The following GIPC3 variants were observed in gnomAD, a reference collection of about 807,000 sequenced individuals.
The protein encoded by GIPC3 is PDZ domain-containing protein GIPC3.
GIPC3 carries 16 observed loss-of-function variants against 27.3 expected under a neutral mutation model. That is an observed-to-expected ratio of 0.59 (90% CI 0.40 to 0.89). The LOEUF (loss-of-function observed/expected upper bound fraction) is 0.89, where lower values mean the gene tolerates loss of function less well. Among genes scored for constraint, GIPC3 ranks in the 40% least tolerant of loss-of-function variants. The probability of loss-of-function intolerance (pLI) is 0.00; values close to 1 mark genes in which losing one functional copy is unlikely to be tolerated. For synonymous variants in GIPC3, 194 were observed against 184.6 expected (o/e 1.05, Z -0.41); for missense variants, 440 against 442.1 (o/e 1.00, Z 0.04).
chr19:3,590,061 C>G lies in GIPC3; in HGVS notation c.810C>G (p.Ser270=), dbSNP rs751286562. ...CAGCGTCCACCATGGTGGAGACGTC[C>G]AAGAAGACAGCGAGCGCCCAGGAGT... ...PELASTMVET[S]KKTASAQEFA... The change falls in exon 6 of 6, where the codon TCC becomes TCG. Residue 270 remains serine (S), a synonymous_variant. Coordinates refer to ENST00000644452, the MANE Select transcript of GIPC3 (RefSeq NM_133261.3). 1.2e-5 allele frequency: 19 copies of G among 1,612,124 alleles called. No individual in the cohort carries two copies. Among genetic ancestry groups the G allele is most frequent in the Admixed American group, 1.7e-5 (1 of 59,586 alleles).
intron 3 of GIPC3, among the ~76,000 whole-genome samples, 178 bp from the exon 4 acceptor site, chr19:3,589,265 T>G (rs1274069115): frequency 6.6e-6 from 1 of 152,188 alleles, no homozygotes; most frequent in Admixed American, 6.5e-5. Flanking sequence ...TGATTTAGTT[T>G]GCTGGGGATG....
In GIPC3 at chr19:3,589,573, G is replaced by T. The variant is rs1400074938; in HGVS notation, c.705+18G>T. On this transcript the variant is annotated intron_variant, in intron 4 of 5. Coordinates refer to ENST00000644452, the MANE Select transcript of GIPC3 (RefSeq NM_133261.3). ...AGGAAGCGGTGAGTGAAGGGGAGGG[G>T]CTCTCCCCAGGCTTCTGCACCTTCA... 6.4e-7 allele frequency: 1 copy of T among 1,569,940 alleles called. No homozygotes were observed. The highest frequency in any genetic ancestry group is 1.7e-5 in the Admixed American group (1 of 59,954).
chr19:3,592,084 T>C lies in GIPC3; in HGVS notation c.*1894T>C. 1 of 1,232,074 alleles carries C rather than the reference T, an allele frequency of 8.1e-7. No homozygotes were observed. The highest frequency in any genetic ancestry group is 3.2e-5 in the East Asian group (1 of 31,692). The allele number at this position is 1,232,074 out of a possible 1,614,324, so 76.3% of individuals were successfully genotyped here. A position where few individuals can be genotyped will look rare whatever the true frequency, so the allele number is the denominator to read the frequency against. On this transcript the variant is annotated 3_prime_UTR_variant, in exon 6 of 6. Transcript: ENST00000644452. Reference sequence around the variant, plus strand: ...ACCCAGCCAAGTTCCAGAATCCAGCTAAGCTCTGGAGTCCAATCTAGTCCT... The same window carrying C: ...ACCCAGCCAAGTTCCAGAATCCAGCCAAGCTCTGGAGTCCAATCTAGTCCT...
rs1337367430 is a variant in GIPC3 at position 3,592,851 on chromosome 19, A to G, written c.*2661A>G. 4.9e-6 allele frequency: 6 copies of G among 1,232,058 alleles called. No homozygotes were observed. In the East Asian group the frequency reaches 1.6e-4, roughly 32 times the overall value. 76.3% of individuals were successfully genotyped at this position (1,232,058 alleles called of 1,614,324 possible). On this transcript the variant is annotated 3_prime_UTR_variant, in exon 6 of 6. Coordinates refer to ENST00000644452, the MANE Select transcript of GIPC3 (RefSeq NM_133261.3). ...TTCAAGAATCTGGCTGAGCCCTGGA[A>G]ATGGAATCTGCCCACAGACCCCTGG...
In GIPC3 at chr19:3,590,663, C is replaced by A. The variant is rs182588554; in HGVS notation, c.*473C>A. 140 of 1,049,706 alleles carry A rather than the reference C, an allele frequency of 1.3e-4. 1 individual carries two copies. In the African/African-American group the frequency reaches 2.3e-3, roughly 17 times the overall value. 65.0% of individuals were successfully genotyped at this position (1,049,706 alleles called of 1,614,324 possible). A position where few individuals can be genotyped will look rare whatever the true frequency, so the allele number is the denominator to read the frequency against. ...CTCAGATGGGCTCTGAGACCGAGCCCAGCTCTAGAACTCAGATGGGCTCTG... is the reference window on the plus strand; with the variant it reads ...CTCAGATGGGCTCTGAGACCGAGCCAAGCTCTAGAACTCAGATGGGCTCTG... On this transcript the variant is annotated 3_prime_UTR_variant, in exon 6 of 6. Transcript: ENST00000644452.
chr19:3,589,055 T>A (rs1438139568), intron 3 of GIPC3, among the ~76,000 whole-genome samples: 5 of 151,800 alleles, frequency 3.3e-5, no homozygotes, highest in Admixed American at 2.0e-4. Context: ...TGAGACTAAG[T>A]GTGTTTCTAG....
At position 3,590,035 on chromosome 19, in the gene GIPC3, G is replaced by A. The variant is rs372583605; in HGVS notation, c.788-4G>A. On this transcript the variant is annotated splice_region_variant and splice_polypyrimidine_tract_variant and intron_variant, in intron 5 of 5. Coordinates refer to ENST00000644452, the MANE Select transcript of GIPC3 (RefSeq NM_133261.3). ...ACTGACATCCCCTCTGGCACGGCCCGCAGCGTCCACCATGGTGGAGACGTC... is the reference window on the plus strand; with the variant it reads ...ACTGACATCCCCTCTGGCACGGCCCACAGCGTCCACCATGGTGGAGACGTC... 588 of 1,612,152 alleles carry A rather than the reference G, an allele frequency of 3.6e-4. No homozygotes were observed. Among genetic ancestry groups the A allele is most frequent in the Non-Finnish European group, 4.5e-4 (528 of 1,179,322 alleles).
In GIPC3 at chr19:3,593,282, G is replaced by GT. The variant is rs2145279735; in HGVS notation, c.*3092_*3093insT. The stretch of plus-strand genomic sequence containing the variant: ...CAGGAGCCCGCCCTTACCGCGGGGG[G>GT]CCGTAGCTTGGCTGTGACTTAGCCC... On this transcript the variant is annotated 3_prime_UTR_variant, in exon 6 of 6. Coordinates refer to ENST00000644452, the MANE Select transcript of GIPC3 (RefSeq NM_133261.3). The GT allele has an allele frequency of 6.5e-6, 8 of 1,232,374 alleles. No homozygotes were observed. In the East Asian group the frequency reaches 2.5e-4, roughly 39 times the overall value. 76.3% of individuals were successfully genotyped at this position (1,232,374 alleles called of 1,614,324 possible).
Position 3,585,496 on chromosome 19 carries a change from T to C in GIPC3, c.-102T>C. 9.9e-7 allele frequency: 1 copy of C among 1,010,918 alleles called. No homozygotes were observed. The highest frequency in any genetic ancestry group is 1.2e-6 in the Non-Finnish European group (1 of 837,222). The allele number at this position is 1,010,918 out of a possible 1,614,324, so 62.6% of individuals were successfully genotyped here. ...GTTCCCAGATCCCCTTACCCGGGCG[T>C]CTCGGCTGTCGCGCCCTGGGCCGGG... On this transcript the variant is annotated 5_prime_UTR_variant, in exon 1 of 6. Coordinates refer to ENST00000644452, the MANE Select transcript of GIPC3 (RefSeq NM_133261.3).
Position 3,593,533 on chromosome 19 carries a change from A to C in GIPC3, c.*3343A>C. 2.6e-6 allele frequency: 1 copy of C among 385,454 alleles called. No individual in the cohort carries two copies. The highest frequency in any genetic ancestry group is 4.6e-6 in the Non-Finnish European group (1 of 218,828). 23.9% of individuals were successfully genotyped at this position (385,454 alleles called of 1,614,324 possible). On this transcript the variant is annotated 3_prime_UTR_variant, in exon 6 of 6. Coordinates refer to ENST00000644452, the MANE Select transcript of GIPC3 (RefSeq NM_133261.3). ...CTCATGGTGAATAAAGGCACCTTCC[A>C]TCTCTGCAGCCTGGTGTGTCATTTT...
chr19:3,586,735 C>G (rs370952334), intron 2 of GIPC3, 55 bp downstream of exon 2: 39 of 1,610,772 alleles, frequency 2.4e-5, no homozygotes, highest in South Asian at 1.9e-4. Flanking sequence ...CTGCCCCCCC[C>G]ACTCTGGGTC....
chr19:3,589,106 C>A (rs1036645193), intron 3 of GIPC3, among the ~76,000 whole-genome samples: 9 of 152,110 alleles, frequency 5.9e-5, no homozygotes, highest in African/African-American at 2.2e-4. Context: ...GGAACCCAGA[C>A]AAGAACATAT....
chr19:3,591,115 G>T lies in GIPC3; in HGVS notation c.*925G>T. 8.1e-7 allele frequency: 1 copy of T among 1,233,678 alleles called. No individual in the cohort carries two copies. The highest frequency in any genetic ancestry group is 1.0e-6 in the Non-Finnish European group (1 of 989,094). 76.4% of individuals were successfully genotyped at this position (1,233,678 alleles called of 1,614,324 possible). A position where few individuals can be genotyped will look rare whatever the true frequency, so the allele number is the denominator to read the frequency against. ...AAGCCCAGCTCTAGAACTCAGGTCA[G>T]CCCTGAGACCAAGCCCAGCTCTAGA... is the stretch of plus-strand genomic sequence containing the variant. On this transcript the variant is annotated 3_prime_UTR_variant, in exon 6 of 6. Transcript: ENST00000644452.
rs758744634 is a variant in GIPC3 at position 3,593,405 on chromosome 19, G to A, written c.*3215G>A. On this transcript the variant is annotated 3_prime_UTR_variant, in exon 6 of 6. Transcript: ENST00000644452. The stretch of plus-strand genomic sequence containing the variant: ...TCTCCAGCAGGCGGTGGTAGGGAGT[G>A]TGCGGTGGTGAAAACAGGGGCTTCA... The A allele has an allele frequency of 6.7e-5, 64 of 954,446 alleles. No individual in the cohort carries two copies. Among genetic ancestry groups the A allele is most frequent in the Non-Finnish European group, 8.7e-5 (64 of 735,136 alleles). The allele number at this position is 954,446 out of a possible 1,614,324, so 59.1% of individuals were successfully genotyped here.
chr19:3,586,349 C>A, intron 1 of GIPC3, 146 bp from the exon 2 acceptor site: 1 of 745,004 alleles, frequency 1.3e-6, no homozygotes, highest in Non-Finnish European at 2.3e-6. Context: ...CCTTCTCCCT[C>A]CTCTCTCTGT....
At position 3,593,004 on chromosome 19, in the gene GIPC3, G is replaced by C. The variant is rs1360961106; in HGVS notation, c.*2814G>C. ...GCCTCTGCCTCAGCCCCATGATCAG[G>C]TATGTGGCATCCAGGCCAGCCTTGG... On this transcript the variant is annotated 3_prime_UTR_variant, in exon 6 of 6. Coordinates refer to ENST00000644452, the MANE Select transcript of GIPC3 (RefSeq NM_133261.3). The C allele has an allele frequency of 1.6e-6, 2 of 1,229,250 alleles. No individual in the cohort carries two copies. The highest frequency in any genetic ancestry group is 4.1e-5 in the South Asian group (1 of 24,230). 76.1% of individuals were successfully genotyped at this position (1,229,250 alleles called of 1,614,324 possible). A position where few individuals can be genotyped will look rare whatever the true frequency, so the allele number is the denominator to read the frequency against.
rs956757446 is a variant in GIPC3 at position 3,590,244 on chromosome 19, C to T, written c.*54C>T. 57 of 1,543,130 alleles carry T rather than the reference C, an allele frequency of 3.7e-5. No homozygotes were observed. The highest frequency in any genetic ancestry group is 1.1e-4 in the African/African-American group (8 of 72,916). Reference sequence around the variant, plus strand: ...CAGCCCGGAGCCCAGCCCCCTGCCCCGGCCCTGCTCCAGAACCCAGCCCAG... The same window carrying T: ...CAGCCCGGAGCCCAGCCCCCTGCCCTGGCCCTGCTCCAGAACCCAGCCCAG... On this transcript the variant is annotated 3_prime_UTR_variant, in exon 6 of 6. Transcript: ENST00000644452.
At chr19:3,588,148 G>A (rs1368680255) in intron 3 of GIPC3, among the ~76,000 whole-genome samples, 3 of 152,044 alleles carry the variant, frequency 2.0e-5, no homozygotes, top group Non-Finnish European at 4.4e-5. Flanking sequence ...GGGATTACAG[G>A]CATGTGCCAC....
rs951247187 is a variant in GIPC3, at chr19:3,592,332, C to T, written c.*2142C>T. On this transcript the variant is annotated 3_prime_UTR_variant, in exon 6 of 6. Coordinates refer to ENST00000644452, the MANE Select transcript of GIPC3 (RefSeq NM_133261.3). ...TGGGAAGCAGAGCAGTTCTGAAAGT[C>T]AGCTTAGCTTTGGAACTCAGCCCAG... is the stretch of plus-strand genomic sequence containing the variant. 2.4e-5 allele frequency: 29 copies of T among 1,231,936 alleles called. No homozygotes were observed. In the Admixed American group the frequency reaches 5.9e-4, roughly 25 times the overall value. 76.3% of individuals were successfully genotyped at this position (1,231,936 alleles called of 1,614,324 possible). A position where few individuals can be genotyped will look rare whatever the true frequency, so the allele number is the denominator to read the frequency against.
Sources: gnomAD v4.1 joint callset for allele counts (sites outside exome capture counted in the v4.1 genomes callset) on GRCh38, gnomAD v4.1.1 for gene constraint, MANE v1.5 for transcripts, NCBI Gene and HGNC (gene_info 2026-07-23, HGNC 2026-07-21) for gene names.